Variants in NEGR1 observed in about 807,000 individuals in gnomAD.
NEGR1 encodes the protein IgLON family member 4.
NEGR1 carries 10 observed loss-of-function variants against 40.9 expected under a neutral mutation model. The ratio of observed to expected loss-of-function variants is 0.24; its 90% confidence interval spans 0.15 to 0.42. The LOEUF (loss-of-function observed/expected upper bound fraction) is 0.42. Among genes scored for constraint, NEGR1 ranks in the 10% least tolerant of loss-of-function variants. The pLI is 1.00. For missense variants in NEGR1, 352 were observed against 438.9 expected (o/e 0.80, Z 1.77); for synonymous variants, 185 against 166.8 (o/e 1.11, Z -0.84).
In NEGR1 at chr1:72,230,905, T is replaced by C. The variant is rs769577310; in HGVS notation, c.176+51414A>G. On this transcript the variant is annotated intron_variant, in intron 1 of 6. Coordinates refer to ENST00000357731, the MANE Select transcript of NEGR1 (RefSeq NM_173808.3). Reference sequence around the variant, plus strand: ...GTCAACACTGAGTCATTCACAAATATATATTACTAAGCTCTTCAAAAAAGA... The same window carrying C: ...GTCAACACTGAGTCATTCACAAATACATATTACTAAGCTCTTCAAAAAAGA... 2.9e-3 allele frequency among the ~76,000 whole-genome samples: 446 copies of C among 152,280 alleles called. 3 individuals are homozygous for C. The highest frequency in any genetic ancestry group is 4.0e-3 in the Non-Finnish European group (272 of 68,016).
chr1:71,646,860 T>G (rs969744890), intron 4 of NEGR1, among the ~76,000 whole-genome samples: 2 of 151,860 alleles, frequency 1.3e-5, no homozygotes, highest in Admixed American at 6.6e-5. Flanking sequence ...CACAATTGAA[T>G]TAACAATTCT....
chr1:72,227,199 A>C (rs192626497), intron 1 of NEGR1, among the ~76,000 whole-genome samples: 4 of 152,184 alleles, frequency 2.6e-5, no homozygotes, highest in African/African-American at 9.6e-5. Flanking sequence ...AATGATAAAA[A>C]TCTACCTCAT....
intron 2 of NEGR1, among the ~76,000 whole-genome samples, chr1:71,916,539 G>A (rs1444350434): frequency 6.6e-6 from 1 of 152,164 alleles, no homozygotes; most frequent in African/African-American, 2.4e-5. Flanking sequence ...GATCACCTGA[G>A]GTCAGGACTT....
chr1:71,950,286 TG>T, intron 1 of NEGR1, among the ~76,000 whole-genome samples: 2 of 152,100 alleles, frequency 1.3e-5, no homozygotes, highest in African/African-American at 4.8e-5. Context: ...ATAAACACAC[TG>T]GTAATCACTT....
chr1:72,176,668 C>G (rs1023855252), intron 1 of NEGR1, among the ~76,000 whole-genome samples: 1 of 151,732 alleles, frequency 6.6e-6, no homozygotes, highest in African/African-American at 2.4e-5. Context: ...TGAGGGGAAA[C>G]AAACAAACAA....
chr1:71,575,044 T>A (rs2101497263), intron 6 of NEGR1, among the ~76,000 whole-genome samples: 1 of 152,278 alleles, frequency 6.6e-6, no homozygotes, highest in Non-Finnish European at 1.5e-5. Flanking sequence ...AGAAGAATAA[T>A]AGGAGAACGT....
chr1:71,550,054 T>C (rs1480926135), intron 6 of NEGR1, among the ~76,000 whole-genome samples: 1 of 151,680 alleles, frequency 6.6e-6, no homozygotes, highest in African/African-American at 2.4e-5. Flanking sequence ...AGCTATGTTA[T>C]AAATCACCCA....
chr1:72,035,030 TG>T (rs1305134835), intron 1 of NEGR1, among the ~76,000 whole-genome samples: 1 of 152,092 alleles, frequency 6.6e-6, no homozygotes, highest in African/African-American at 2.4e-5. Flanking sequence ...ACAGGCATTA[TG>T]GCCACGCCTG....
chr1:71,807,667 A>G (rs1209710210), intron 2 of NEGR1, among the ~76,000 whole-genome samples: 1 of 152,200 alleles, frequency 6.6e-6, no homozygotes, highest in African/African-American at 2.4e-5. Flanking sequence ...GTAACAAACC[A>G]TTTCAAATTT....
chr1:72,104,251 A>G (rs952395226), intron 1 of NEGR1, among the ~76,000 whole-genome samples: 2 of 152,130 alleles, frequency 1.3e-5, no homozygotes, highest in African/African-American at 2.4e-5. Flanking sequence ...GATGTGATTA[A>G]GTTAAGGGTT....
At chr1:72,211,995 T>C (rs1298282926) in intron 1 of NEGR1, among the ~76,000 whole-genome samples, 1 of 152,028 alleles carries the variant, frequency 6.6e-6, no homozygotes, top group Non-Finnish European at 1.5e-5. Context: ...ATATAAAATA[T>C]GTAAGTGTAG....
chr1:71,920,133 C>T (rs932267060), intron 2 of NEGR1, among the ~76,000 whole-genome samples: 14 of 152,270 alleles, frequency 9.2e-5, no homozygotes, highest in African/African-American at 2.9e-4. Context: ...CAAGCCATCT[C>T]CAGCTCCGAG....
Position 72,044,181 on chromosome 1 carries a change from AC to A in NEGR1, c.177-108871del, listed in dbSNP as rs1334340283. The stretch of plus-strand genomic sequence containing the variant: ...ACACAGTGCTTGACATATAATAACT[AC>A]TCAAAATATAATGTTTAATATCATT... On this transcript the variant is annotated intron_variant, in intron 1 of 6. Coordinates refer to ENST00000357731, the MANE Select transcript of NEGR1 (RefSeq NM_173808.3). Among the ~76,000 whole-genome samples, 10 of 151,702 alleles carry A rather than the reference AC, an allele frequency of 6.6e-5. No individual in the cohort carries two copies. In the South Asian group the frequency reaches 1.2e-3, roughly 19 times the overall value.
intron 1 of NEGR1, among the ~76,000 whole-genome samples, chr1:71,942,455 C>CTATCTATATATATATA (rs1342537095): frequency 9.4e-5 from 2 of 21,298 alleles, no homozygotes; most frequent in Non-Finnish European, 1.6e-4. Context: ...TTCTTTAAAT[C>CTATCTATATATATATA]TATATATATA....
At chr1:72,163,214 C>T (rs1482964367) in intron 1 of NEGR1, among the ~76,000 whole-genome samples, 2 of 152,072 alleles carry the variant, frequency 1.3e-5, no homozygotes, top group Non-Finnish European at 2.9e-5. Flanking sequence ...TTCCAGATTA[C>T]ATTTCTTTTA....
chr1:72,026,093 A>G lies in NEGR1; in HGVS notation c.177-90782T>C, dbSNP rs1006141459. ...GCCACTGCACTCCAGCCTGGGCGAC[A>G]GAGCGAGACTCCGTCTCAAAAAAAA... On this transcript the variant is annotated intron_variant, in intron 1 of 6. Coordinates refer to ENST00000357731, the MANE Select transcript of NEGR1 (RefSeq NM_173808.3). 3.3e-5 allele frequency among the ~76,000 whole-genome samples: 4 copies of G among 122,684 alleles called. No homozygotes were observed. The Admixed American group carries it at 3.8e-4, about 12-fold the overall frequency. 80.5% of individuals were successfully genotyped at this position (122,684 alleles called of 152,430 possible). A position where few individuals can be genotyped will look rare whatever the true frequency, so the allele number is the denominator to read the frequency against.
chr1:72,182,877 T>A (rs562089025), intron 1 of NEGR1, among the ~76,000 whole-genome samples: 69 of 151,942 alleles, frequency 4.5e-4, no homozygotes, highest in Non-Finnish European at 8.4e-4. Flanking sequence ...GTTTGCTTTT[T>A]AGCAAGTTCT....
intron 2 of NEGR1, among the ~76,000 whole-genome samples, chr1:71,796,631 G>A (rs961641083): frequency 6.6e-6 from 1 of 152,054 alleles, no homozygotes; most frequent in African/African-American, 2.4e-5. Context: ...TTTTCAAAGT[G>A]AATTCTGCAG....
chr1:71,877,504 T>A (rs1660466303), intron 2 of NEGR1, among the ~76,000 whole-genome samples: 1 of 152,124 alleles, frequency 6.6e-6, no homozygotes, highest in Non-Finnish European at 1.5e-5. Flanking sequence ...CCTGATTTCC[T>A]CCTCTAATAA....
Sources: allele counts gnomAD v4.1 joint callset (sites outside exome capture counted in the v4.1 genomes callset), GRCh38; gene constraint gnomAD v4.1.1; transcripts MANE v1.5; gene names NCBI Gene and HGNC (gene_info 2026-07-23, HGNC 2026-07-21).